OSBPL5: variants seen among roughly 807,000 people sequenced by gnomAD.
OSBPL5 encodes the protein oxysterol-binding protein-related protein 5.
OSBPL5 carries 71 observed loss-of-function variants against 111.2 expected under a neutral mutation model. The observed-to-expected ratio is 0.64, with a 90% CI of 0.53 to 0.78. The LOEUF (loss-of-function observed/expected upper bound fraction) is 0.78. Among genes scored for constraint, OSBPL5 ranks in the 30% least tolerant of loss-of-function variants. The pLI is 0.00. For missense variants in OSBPL5, 1,210 were observed against 1,189.3 expected (o/e 1.02, Z -0.26); for synonymous variants, 549 against 513.9 (o/e 1.07, Z -0.93).
In OSBPL5 at chr11:3,107,389, C is replaced by T; in HGVS notation, c.933G>A (p.Glu311=). 1 of 1,614,114 alleles carries T rather than the reference C, an allele frequency of 6.2e-7. No homozygotes were observed. Among genetic ancestry groups the T allele is most frequent in the Admixed American group, 1.7e-5 (1 of 60,028 alleles). ...TATGGTCCTGGGTCTCGGTATCTGA[C>T]TCCTCAGGGTTCTCTCTCTCCGACT... ...SDKSERENPE[E]SDTETQDHSR... is the part of the protein sequence containing the mutation. The change falls in exon 9 of 22, where the codon GAG becomes GAA. Residue 311 remains glutamate, a synonymous_variant. Coordinates refer to ENST00000263650, the MANE Select transcript of OSBPL5 (RefSeq NM_020896.4). The surrounding 1 kb of genome is among the most constrained non-coding windows in gnomAD (Gnocchi z 6.1).
chr11:3,136,840 G>C (rs1845961410), intron 1 of OSBPL5, among the ~76,000 whole-genome samples: 1 of 152,256 alleles, frequency 6.6e-6, no homozygotes. Flanking sequence ...CAATTGGCAG[G>C]GGCCAGAAAA....
rs1364211039 is a variant in OSBPL5 at position 3,087,776 on chromosome 11, TGG to T, written c.*427_*428del. 6.4e-6 allele frequency: 1 copy of T among 156,566 alleles called. No homozygotes were observed. Among genetic ancestry groups the T allele is most frequent in the African/African-American group, 2.4e-5 (1 of 41,552 alleles). 9.7% of individuals were successfully genotyped at this position (156,566 alleles called of 1,614,324 possible). On this transcript the variant is annotated 3_prime_UTR_variant, in exon 22 of 22. Coordinates refer to ENST00000263650, the MANE Select transcript of OSBPL5 (RefSeq NM_020896.4). ...GAAGGCAGGCCTATGCATCTGTGTG[TGG>T]GGGGACTCCTGGGCCACTCGGGGCT...
At chr11:3,134,553 G>A (rs1309383704) in intron 1 of OSBPL5, among the ~76,000 whole-genome samples, 1 of 152,228 alleles carries the variant, frequency 6.6e-6, no homozygotes, top group African/African-American at 2.4e-5. Context: ...CATCCCAGGT[G>A]GGTGCCCTGC....
At position 3,092,438 on chromosome 11, in the gene OSBPL5, C is replaced by T. The variant is rs1857093625; in HGVS notation, c.2253G>A (p.Arg751=). Residue 751 remains arginine, a synonymous_variant, in exon 19 of 22, where the codon AGG becomes AGA. Coordinates refer to ENST00000263650, the MANE Select transcript of OSBPL5 (RefSeq NM_020896.4). The surrounding 1 kb of genome is among the most constrained non-coding windows in gnomAD (Gnocchi z 5.4). ...GGGCCTGTGGGGTGCTGACCTCGTG[C>T]CTGGGCCCTGGGCTGCCCAGGAAGG... ...QTTFLGSPGP[R]HERSGPDQRL... is the part of the protein sequence containing the mutation. 5 of 1,574,580 alleles carry T rather than the reference C, an allele frequency of 3.2e-6. No homozygotes were observed. The highest frequency in any genetic ancestry group is 1.2e-5 in the South Asian group (1 of 86,152).
At position 3,088,048 on chromosome 11, in the gene OSBPL5, C is replaced by T. The variant is rs1417115236; in HGVS notation, c.*157G>A. 16 of 580,868 alleles carry T rather than the reference C, an allele frequency of 2.8e-5. No homozygotes were observed. The highest frequency in any genetic ancestry group is 4.9e-4 in the Middle Eastern group (1 of 2,060). The allele number at this position is 580,868 out of a possible 1,614,324, so 36.0% of individuals were successfully genotyped here. Reference sequence around the variant, plus strand: ...GAGAGGGGCCCAGCACACCTGGGCCCGCAGCGCCTTGTGGCCCCGGGTCCC... The same window carrying T: ...GAGAGGGGCCCAGCACACCTGGGCCTGCAGCGCCTTGTGGCCCCGGGTCCC... On this transcript the variant is annotated 3_prime_UTR_variant, in exon 22 of 22. Transcript: ENST00000263650.
Position 3,154,158 on chromosome 11 carries a change from T to A in OSBPL5, c.-22+11058A>T, listed in dbSNP as rs1217561748. ...GTCCAGAGAGCTGCTGTAGGAGGTGTTTGCTAGACTGGGCCAGAGGGCAAA... is the reference window on the plus strand; with the variant it reads ...GTCCAGAGAGCTGCTGTAGGAGGTGATTGCTAGACTGGGCCAGAGGGCAAA... On this transcript the variant is annotated intron_variant, in intron 1 of 21. Transcript: ENST00000263650. This position sits in a 1 kb window ranked among gnomAD's most constrained non-coding sequence, Gnocchi z 4.9. Among the ~76,000 whole-genome samples, 1 of 152,186 alleles carries A rather than the reference T, an allele frequency of 6.6e-6. No homozygotes were observed. The highest frequency in any genetic ancestry group is 1.5e-5 in the Non-Finnish European group (1 of 68,032).
Position 3,103,774 on chromosome 11 carries a change from A to AGCCTCTGCTGCCCCTTCCT in OSBPL5, c.1244+418_1244+419insAGGAAGGGGCAGCAGAGGC, listed in dbSNP as rs1857563584. 5.8e-4 allele frequency among the ~76,000 whole-genome samples: 16 copies of AGCCTCTGCTGCCCCTTCCT among 27,818 alleles called. No homozygotes were observed. In the South Asian group the frequency reaches 6.1e-3, roughly 11 times the overall value. The allele number at this position is 27,818 out of a possible 152,430, so 18.2% of individuals were successfully genotyped here. On this transcript the variant is annotated intron_variant, in intron 10 of 21. Transcript: ENST00000263650. ...TCTTCCAGCTCTGCAGCCCCCTTCC[A>AGCCTCTGCTGCCCCTTCCT]GCCTCTGCAGTCCCTTCCTGCCTCT...
At chr11:3,138,202 G>T (rs1382413968) in intron 1 of OSBPL5, among the ~76,000 whole-genome samples, 4 of 152,210 alleles carry the variant, frequency 2.6e-5, no homozygotes, top group African/African-American at 9.6e-5. Flanking sequence ...TACTGGGTCA[G>T]CTGGCCTTGG....
Position 3,119,625 on chromosome 11 carries a change from T to C in OSBPL5, c.613A>G (p.Lys205Glu), listed in dbSNP as rs1858331792. Residue 205 changes from lysine to glutamate, a missense_variant, in exon 7 of 22, where the codon AAA becomes GAA. Transcript: ENST00000263650. ...GTGATGGAGCCCACGCTCTCACCTT[T>C]GGGGCCCTGGAGAGAGAGAGATCTG... Reference protein sequence around the residue: ...DQSVWAVKGPKGESVGSITQP... With the variant: ...DQSVWAVKGPEGESVGSITQP... The C allele has an allele frequency of 6.3e-7, 1 of 1,577,208 alleles. No individual in the cohort carries two copies. Among genetic ancestry groups the C allele is most frequent in the African/African-American group, 1.4e-5 (1 of 71,756 alleles).
At chr11:3,158,031 A>G (rs1287228803) in intron 1 of OSBPL5, among the ~76,000 whole-genome samples, 2 of 152,092 alleles carry the variant, frequency 1.3e-5, no homozygotes, top group East Asian at 3.9e-4. Flanking sequence ...AGAATGACCC[A>G]CTCTGGCACT....
intron 11 of OSBPL5, among the ~76,000 whole-genome samples, chr11:3,102,561 A>G (rs1015477357): frequency 3.3e-5 from 5 of 152,046 alleles, no homozygotes; most frequent in Non-Finnish European, 7.4e-5. Flanking sequence ...CTCTCCTTGG[A>G]CCTTGGGTGT....
chr11:3,140,393 T>C lies in OSBPL5; in HGVS notation c.-21-11224A>G, dbSNP rs1846072864. ...GCTCACAGCCAAGCTAGGACACCCT[T>C]CCCAGGGCCAAGGCAGCCCAGGAAA... On this transcript the variant is annotated intron_variant, in intron 1 of 21. Coordinates refer to ENST00000263650, the MANE Select transcript of OSBPL5 (RefSeq NM_020896.4). This position sits in a 1 kb window ranked among gnomAD's most constrained non-coding sequence, Gnocchi z 4.5. 6.6e-6 allele frequency among the ~76,000 whole-genome samples: 1 copy of C among 152,042 alleles called. No individual in the cohort carries two copies.
rs1562355 is a variant in OSBPL5 at position 3,142,166 on chromosome 11, T to G, written c.-21-12997A>C. On this transcript the variant is annotated intron_variant, in intron 1 of 21. Coordinates refer to ENST00000263650, the MANE Select transcript of OSBPL5 (RefSeq NM_020896.4). The surrounding 1 kb of genome is among the most constrained non-coding windows in gnomAD (Gnocchi z 7.1). ...ACTCCCGACCTCAAGTGATCTGCCCTCCTCGGCGTCCCAAAGTGCTGGGAT... is the reference window on the plus strand; with the variant it reads ...ACTCCCGACCTCAAGTGATCTGCCCGCCTCGGCGTCCCAAAGTGCTGGGAT... Among the ~76,000 whole-genome samples the G allele has an allele frequency of 0.53, 79,879 of 151,798 alleles. 22,222 individuals carry two copies. Among genetic ancestry groups the G allele is most frequent in the Non-Finnish European group, 0.63 (42,484 of 67,842 alleles).
chr11:3,090,450 G>T, intron 20 of OSBPL5, 108 bp downstream of exon 20: 1 of 1,436,498 alleles, frequency 7.0e-7, no homozygotes, highest in Non-Finnish European at 9.5e-7. Context: ...TTGCTGGGAG[G>T]TTGCCCTACA....
At chr11:3,112,088 T>C (rs1478327986) in intron 7 of OSBPL5, among the ~76,000 whole-genome samples, 89 of 114,286 alleles carry the variant, frequency 7.8e-4, no homozygotes, top group African/African-American at 1.8e-3. Flanking sequence ...TGTGTGTGCA[T>C]GTGTGTGTGC....
chr11:3,117,905 G>C (rs921040621), intron 7 of OSBPL5, among the ~76,000 whole-genome samples: 4 of 152,318 alleles, frequency 2.6e-5, no homozygotes, highest in African/African-American at 9.6e-5. Flanking sequence ...CTGATGTATG[G>C]ACTTCAGAGT....
Position 3,119,534 on chromosome 11 carries a change from G to C in OSBPL5, c.691+13C>G. The C allele has an allele frequency of 6.4e-7, 1 of 1,569,228 alleles. No homozygotes were observed. The highest frequency in any genetic ancestry group is 8.6e-7 in the Non-Finnish European group (1 of 1,162,782). On this transcript the variant is annotated intron_variant, in intron 7 of 21. Transcript: ENST00000263650. ...GGGGCACTGGGGAGATGCGCAAGCT[G>C]GCAGGGACTCACCATCTGACTCGGA... is the stretch of plus-strand genomic sequence containing the variant.
intron 19 of OSBPL5, among the ~76,000 whole-genome samples, chr11:3,091,290 G>A (rs1456256118): frequency 6.6e-6 from 1 of 152,270 alleles, no homozygotes; most frequent in Non-Finnish European, 1.5e-5. Context: ...GAACCTGGCT[G>A]TGGGACCACC....
Position 3,107,648 on chromosome 11 carries a change from C to A in OSBPL5, c.866+123G>T, listed in dbSNP as rs1857754159. On this transcript the variant is annotated intron_variant, in intron 8 of 21. Coordinates refer to ENST00000263650, the MANE Select transcript of OSBPL5 (RefSeq NM_020896.4). The surrounding 1 kb of genome is among the most constrained non-coding windows in gnomAD (Gnocchi z 6.1). ...GGCTCCCAGGGCACACTGCAGCGAA[C>A]AAGTCCCTGCGTGCAGCCTGCAGCC... is the stretch of plus-strand genomic sequence containing the variant. 1.4e-6 allele frequency: 2 copies of A among 1,417,550 alleles called. No individual in the cohort carries two copies. 87.8% of individuals were successfully genotyped at this position (1,417,550 alleles called of 1,614,324 possible). A position where few individuals can be genotyped will look rare whatever the true frequency, so the allele number is the denominator to read the frequency against.
Sources: gnomAD v4.1 joint callset for allele counts (sites outside exome capture counted in the v4.1 genomes callset) on GRCh38, gnomAD v4.1.1 for gene constraint, Gnocchi (gnomAD v3.1) non-coding constraint, MANE v1.5 for transcripts, NCBI Gene and HGNC (gene_info 2026-07-23, HGNC 2026-07-21) for gene names.